TMEM135: variants seen among roughly 807,000 people sequenced by gnomAD.
TMEM135 encodes peroxisomal membrane protein 52.
A neutral mutation model predicts 60.3 loss-of-function variants in TMEM135; 30 were observed. The ratio of observed to expected loss-of-function variants is 0.50; its 90% CI spans 0.37 to 0.68. The LOEUF (loss-of-function observed/expected upper bound fraction) is 0.68. TMEM135 is among the 30% of genes least tolerant of loss of function. TMEM135 has a pLI of 0.00. For synonymous variants in TMEM135, 190 were observed against 186.7 expected, an observed-to-expected ratio of 1.02 and a Z score of -0.14; for missense variants, 468 against 548.8, an observed-to-expected ratio of 0.85 and a Z score of 1.47.
intron 4 of TMEM135, among the ~76,000 whole-genome samples, chr11:87,133,777 G>A (rs1037739410): frequency 6.7e-6 from 1 of 148,464 alleles, no homozygotes; most frequent in Admixed American, 7.0e-5. Flanking sequence ...TTATATAAAT[G>A]GAATCATACA....
chr11:87,059,474 C>T (rs1949925684), intron 1 of TMEM135, among the ~76,000 whole-genome samples: 1 of 151,914 alleles, frequency 6.6e-6, no homozygotes, highest in African/African-American at 2.4e-5. Flanking sequence ...TGCTACCACG[C>T]CTGGCTAATT....
intron 5 of TMEM135, among the ~76,000 whole-genome samples, chr11:87,163,737 G>A (rs1273997360): frequency 2.7e-5 from 4 of 147,598 alleles, no homozygotes; most frequent in African/African-American, 1.0e-4. Flanking sequence ...ATTCTAACTG[G>A]TGTGAGATGG....
In TMEM135 at chr11:87,321,291, A is replaced by T. The variant is rs1590870955; in HGVS notation, c.1335A>T (p.Arg445Ser). 1 of 1,613,750 alleles carries T rather than the reference A, an allele frequency of 6.2e-7. No individual in the cohort carries two copies. The highest frequency in any genetic ancestry group is 8.5e-7 in the Non-Finnish European group (1 of 1,179,718). The change falls in exon 15 of 15, where the codon AGA becomes AGT. Residue 445 changes from arginine (R) to serine (S), a missense_variant. Coordinates refer to ENST00000305494, the MANE Select transcript of TMEM135 (RefSeq NM_022918.4). ...ATTTCATCCCCAGGTTGGATCCAAG[A>T]TACACAACTGTAACACCAGAGTTGC... Reference protein sequence around the residue: ...FQDFIPRLDPRYTTVTPELPT... With the variant: ...FQDFIPRLDPSYTTVTPELPT...
chr11:87,307,917 T>C (rs1942579310), intron 9 of TMEM135, among the ~76,000 whole-genome samples: 1 of 152,206 alleles, frequency 6.6e-6, no homozygotes, highest in Admixed American at 6.5e-5. Flanking sequence ...GCTTTATGTT[T>C]TCTGTCTGAG....
chr11:87,247,755 T>G (rs967811704), intron 6 of TMEM135, among the ~76,000 whole-genome samples: 7 of 152,140 alleles, frequency 4.6e-5, no homozygotes, highest in Admixed American at 2.0e-4. Context: ...AGGTGCCGTC[T>G]GTCACCCCTT....
chr11:87,174,678 T>C (rs919594292), intron 5 of TMEM135, among the ~76,000 whole-genome samples: 2 of 152,152 alleles, frequency 1.3e-5, no homozygotes, highest in Admixed American at 6.6e-5. Context: ...CAGTAAGTCC[T>C]CACGTCATGT....
intron 5 of TMEM135, among the ~76,000 whole-genome samples, chr11:87,201,759 A>G (rs563383552): frequency 6.6e-6 from 1 of 152,334 alleles, no homozygotes; most frequent in South Asian, 2.1e-4. Context: ...TATAATAAGT[A>G]GAATGAAAAA....
At chr11:87,211,342 T>A (rs1169413396) in intron 5 of TMEM135, among the ~76,000 whole-genome samples, 1 of 152,232 alleles carries the variant, frequency 6.6e-6, no homozygotes, top group African/African-American at 2.4e-5. Flanking sequence ...TAGAGTATTT[T>A]AATAGCAGAG....
intron 1 of TMEM135, among the ~76,000 whole-genome samples, chr11:87,066,841 C>T (rs1856672628): frequency 6.9e-6 from 1 of 144,848 alleles, no homozygotes; most frequent in Non-Finnish European, 1.5e-5. Context: ...AGTGCAGTGG[C>T]ACAATCTGGG....
At chr11:87,304,399 CTT>C (rs1189454675) in intron 8 of TMEM135, among the ~76,000 whole-genome samples, 1 of 150,434 alleles carries the variant, frequency 6.6e-6, no homozygotes, top group African/African-American at 2.4e-5. Flanking sequence ...AAAAAGGAAA[CTT>C]AACAAATTTC....
At chr11:87,207,271 T>C (rs1046076527) in intron 5 of TMEM135, among the ~76,000 whole-genome samples, 2 of 152,222 alleles carry the variant, frequency 1.3e-5, no homozygotes, top group African/African-American at 4.8e-5. Flanking sequence ...GGATAAACTT[T>C]CCTTACAAAG....
intron 5 of TMEM135, among the ~76,000 whole-genome samples, chr11:87,172,620 C>G (rs891015036): frequency 6.6e-6 from 1 of 151,700 alleles, no homozygotes; most frequent in South Asian, 2.1e-4. Flanking sequence ...AAGTTTAACA[C>G]CTGGCTGGCA....
intron 6 of TMEM135, among the ~76,000 whole-genome samples, chr11:87,265,581 G>A (rs1168275482): frequency 6.6e-6 from 1 of 151,882 alleles, no homozygotes; most frequent in East Asian, 1.9e-4. Context: ...AAAATAATTG[G>A]TATGCACCTT....
At position 87,327,874 on chromosome 11, in the gene TMEM135, A is replaced by G. The variant is rs1942937056; in HGVS notation, c.*6541A>G. On this transcript the variant is annotated 3_prime_UTR_variant, in exon 15 of 15. Coordinates refer to ENST00000305494, the MANE Select transcript of TMEM135 (RefSeq NM_022918.4). ...AGAGTGTATCCCTGCTGCAGGGGAG[A>G]GAGAGAAGCCAATTCTCCTTTCTTC... The G allele has an allele frequency of 2.2e-6, 1 of 453,868 alleles. No homozygotes were observed. Among genetic ancestry groups the G allele is most frequent in the Non-Finnish European group, 4.4e-6 (1 of 226,770 alleles). The allele number at this position is 453,868 out of a possible 1,614,324, so 28.1% of individuals were successfully genotyped here. A position where few individuals can be genotyped will look rare whatever the true frequency, so the allele number is the denominator to read the frequency against.
At chr11:87,093,857 C>T (rs184184575) in intron 4 of TMEM135, among the ~76,000 whole-genome samples, 1 of 152,152 alleles carries the variant, frequency 6.6e-6, no homozygotes, top group Non-Finnish European at 1.5e-5. Context: ...AATGCTGAAC[C>T]TGTCCAGTAA....
rs894145181 is a variant in TMEM135, at chr11:87,326,292, T to C, written c.*4959T>C. The C allele has an allele frequency of 8.8e-6, 4 of 453,948 alleles. No individual in the cohort carries two copies. Among genetic ancestry groups the C allele is most frequent in the African/African-American group, 8.0e-5 (4 of 49,992 alleles). The allele number at this position is 453,948 out of a possible 1,614,324, so 28.1% of individuals were successfully genotyped here. ...CCTTTCTGTCTTGAGAGATTCAGGCTTCCATAAAGTAGACCTGTAGACCTA... is the reference window on the plus strand; with the variant it reads ...CCTTTCTGTCTTGAGAGATTCAGGCCTCCATAAAGTAGACCTGTAGACCTA... On this transcript the variant is annotated 3_prime_UTR_variant, in exon 15 of 15. Transcript: ENST00000305494.
chr11:87,212,436 C>T (rs1040590864), intron 5 of TMEM135, among the ~76,000 whole-genome samples: 2 of 152,078 alleles, frequency 1.3e-5, no homozygotes, highest in African/African-American at 4.8e-5. Context: ...TTGTAAATTA[C>T]AGAAGGTATT....
chr11:87,191,345 A>T (rs971094494), intron 5 of TMEM135, among the ~76,000 whole-genome samples: 1 of 151,344 alleles, frequency 6.6e-6, no homozygotes, highest in South Asian at 2.1e-4. Context: ...GGTTCACACC[A>T]TTCTCCTGCC....
At chr11:87,119,121 C>G (rs1322753532) in intron 4 of TMEM135, among the ~76,000 whole-genome samples, 1 of 152,186 alleles carries the variant, frequency 6.6e-6, no homozygotes, top group Non-Finnish European at 1.5e-5. Context: ...CCTATCTTGG[C>G]TTTCAACATG....
Sources: allele counts gnomAD v4.1 joint callset (sites outside exome capture counted in the v4.1 genomes callset), GRCh38; gene constraint gnomAD v4.1.1; transcripts MANE v1.5; gene names NCBI Gene and HGNC (gene_info 2026-07-23, HGNC 2026-07-21).